Variants in TFEC observed in about 807,000 individuals in gnomAD.
TFEC encodes the protein transcription factor EC, also known as class E basic helix-loop-helix protein 34.
TFEC carries 31 observed loss-of-function variants against 41.6 expected under a neutral mutation model. That is an observed-to-expected ratio of 0.74 (90% CI 0.56 to 1.01). TFEC has a LOEUF of 1.01. TFEC is among the 50% of genes least tolerant of loss of function. The pLI is 0.00. For missense variants in TFEC, 402 were observed against 404.1 expected, an observed-to-expected ratio of 0.99 and a Z score of 0.04; for synonymous variants, 143 against 140.6, an observed-to-expected ratio of 1.02 and a Z score of -0.12.
At chr7:115,988,971 G>A (rs1030170593) in intron 1 of TFEC, among the ~76,000 whole-genome samples, 3 of 152,104 alleles carry the variant, frequency 2.0e-5, no homozygotes, top group Non-Finnish European at 4.4e-5. Flanking sequence ...GATTGAGGGG[G>A]AAAAAACCCA....
chr7:116,004,631 T>C (rs529998057), intron 1 of TFEC, among the ~76,000 whole-genome samples: 1 of 152,286 alleles, frequency 6.6e-6, no homozygotes, highest in East Asian at 1.9e-4. Context: ...TACAGTCCAA[T>C]ATTAAAATAA....
chr7:116,123,624 G>T (rs1798152776), intron 1 of TFEC, among the ~76,000 whole-genome samples: 1 of 151,974 alleles, frequency 6.6e-6, no homozygotes. Context: ...CATAATGACT[G>T]CCCACTGGGT....
chr7:116,125,679 T>C (rs1226179654), intron 1 of TFEC, among the ~76,000 whole-genome samples: 1 of 151,928 alleles, frequency 6.6e-6, no homozygotes, highest in Non-Finnish European at 1.5e-5. Context: ...TGAGACTTGG[T>C]TGATTCAATT....
chr7:116,051,549 G>C (rs751714269), intron 3 of TFEC, among the ~76,000 whole-genome samples: 46 of 152,126 alleles, frequency 3.0e-4, no homozygotes, highest in Non-Finnish European at 1.0e-4. Context: ...TTCTGCCACA[G>C]AACTGGAACA....
At chr7:115,997,104 C>A (rs1794398682) in intron 1 of TFEC, among the ~76,000 whole-genome samples, 1 of 152,118 alleles carries the variant, frequency 6.6e-6, no homozygotes, top group Non-Finnish European at 1.5e-5. Context: ...AGTAATCAAG[C>A]AATGGTTACC....
chr7:116,155,415 G>C (rs895516719), intron 1 of TFEC, among the ~76,000 whole-genome samples: 5 of 152,126 alleles, frequency 3.3e-5, no homozygotes, highest in Non-Finnish European at 5.9e-5. Context: ...TTTCCACGTC[G>C]TACTTCTTAC....
rs574447944 is a variant in TFEC, at chr7:116,011,509, T to C, written c.-73+19124A>G. On this transcript the variant is annotated intron_variant, in intron 1 of 7. Coordinates refer to ENST00000265440, the MANE Select transcript of TFEC (RefSeq NM_012252.4). ...GATTGTATGCTATCTATTGAAGAAA[T>C]AGTATGAAGAACTGTCCTTTCCAAT... is the stretch of plus-strand genomic sequence containing the variant. Among the ~76,000 whole-genome samples, 4 of 152,288 alleles carry C rather than the reference T, an allele frequency of 2.6e-5. No individual in the cohort carries two copies. In the South Asian group the frequency reaches 8.3e-4, roughly 32 times the overall value.
intron 6 of TFEC, among the ~76,000 whole-genome samples, chr7:115,943,679 A>T (rs1052809854): frequency 6.6e-6 from 1 of 151,728 alleles, no homozygotes; most frequent in African/African-American, 2.4e-5. Context: ...AGTAGGCATT[A>T]CAAATATTAT....
intron 3 of TFEC, among the ~76,000 whole-genome samples, chr7:116,049,913 G>T (rs1796266870): frequency 6.6e-6 from 1 of 152,178 alleles, no homozygotes; most frequent in Non-Finnish European, 1.5e-5. Flanking sequence ...CAGAAATAAA[G>T]ATGTTCTTTG....
intron 3 of TFEC, among the ~76,000 whole-genome samples, chr7:116,102,372 A>G (rs577175639): frequency 1.3e-5 from 2 of 152,170 alleles, no homozygotes; most frequent in African/African-American, 4.8e-5. Flanking sequence ...AAGGGTATCA[A>G]TCATAGTCAC....
rs184805857 is a variant in TFEC at position 116,124,076 on chromosome 7, G to A, written c.-68-12038C>T. Among the ~76,000 whole-genome samples the A allele has an allele frequency of 1.2e-4, 18 of 152,196 alleles. No individual in the cohort carries two copies. In the East Asian group the frequency reaches 3.5e-3, roughly 29 times the overall value. On this transcript the variant is annotated intron_variant, in intron 1 of 8. Coordinates refer to the TFEC transcript ENST00000484212. ...AAAGATTGCTGGAACTATATTCCATGAGTGGAAAAAGATTAATTTTATCCA... is the reference window on the plus strand; with the variant it reads ...AAAGATTGCTGGAACTATATTCCATAAGTGGAAAAAGATTAATTTTATCCA...
At chr7:116,108,178 G>A (rs554268093) in intron 3 of TFEC, among the ~76,000 whole-genome samples, 13 of 152,170 alleles carry the variant, frequency 8.5e-5, no homozygotes, top group East Asian at 3.9e-4. Context: ...ATTTTAAGAC[G>A]CAAAGGTATT....
chr7:115,981,080 G>A (rs990039927), intron 2 of TFEC, among the ~76,000 whole-genome samples: 11 of 152,024 alleles, frequency 7.2e-5, no homozygotes, highest in Admixed American at 6.6e-4. Flanking sequence ...CCACTACCTT[G>A]GAATCATGTT....
chr7:116,043,343 A>T (rs1584442132), intron 3 of TFEC, among the ~76,000 whole-genome samples: 1 of 152,138 alleles, frequency 6.6e-6, no homozygotes, highest in Non-Finnish European at 1.5e-5. Flanking sequence ...TTAATAATAG[A>T]TGCCTCACAC....
intron 3 of TFEC, among the ~76,000 whole-genome samples, chr7:116,039,861 C>A (rs1416441018): frequency 6.6e-6 from 1 of 152,052 alleles, no homozygotes; most frequent in Non-Finnish European, 1.5e-5. Context: ...TCAATGCACA[C>A]TTCTTGTTTG....
intron 1 of TFEC, among the ~76,000 whole-genome samples, chr7:116,012,538 T>A (rs1795038918): frequency 6.6e-6 from 1 of 152,070 alleles, no homozygotes; most frequent in South Asian, 2.1e-4. Flanking sequence ...ATGCACTTTT[T>A]AAAAAAATCT....
intron 1 of TFEC, among the ~76,000 whole-genome samples, chr7:116,126,517 G>C (rs1045479642): frequency 2.0e-5 from 3 of 152,020 alleles, no homozygotes; most frequent in African/African-American, 7.2e-5. Flanking sequence ...AGGCCATCAA[G>C]CACCCAGCCC....
chr7:116,009,314 AACAAT>A (rs1794914843), intron 1 of TFEC, among the ~76,000 whole-genome samples: 1 of 152,220 alleles, frequency 6.6e-6, no homozygotes, highest in African/African-American at 2.4e-5. Context: ...TTGGCCTCAA[AACAAT>A]ACAACAGCCA....
At chr7:116,033,440 T>A (rs2130899753), upstream of TFEC, among the ~76,000 whole-genome samples, 1 of 152,254 alleles carries the variant, frequency 6.6e-6, no homozygotes, top group African/African-American at 2.4e-5. Flanking sequence ...ATAATAGAAG[T>A]AAATTGTTTA....
Sources: gnomAD v4.1 joint callset for allele counts (sites outside exome capture counted in the v4.1 genomes callset) on GRCh38, gnomAD v4.1.1 for gene constraint, MANE v1.5 for transcripts, NCBI Gene and HGNC (gene_info 2026-07-23, HGNC 2026-07-21) for gene names.